LMO7: variants seen among roughly 807,000 people sequenced by gnomAD.
The protein encoded by LMO7 is LIM domain 7.
LMO7 carries 120 observed loss-of-function variants against 206.5 expected under a neutral mutation model. The observed-to-expected ratio is 0.58, with a 90% CI of 0.50 to 0.68. The LOEUF is 0.68. Among genes scored for constraint, LMO7 ranks in the 30% least tolerant of loss-of-function variants. The pLI is 0.00. For synonymous variants in LMO7, 706 were observed against 681.5 expected (o/e 1.04, Z -0.56); for missense variants, 1,959 against 1,957.9 (o/e 1.00, Z -0.01).
intron 10 of LMO7, 123 bp from the exon 11 acceptor site, chr13:75,809,031 A>G (rs2055941515): frequency 1.3e-6 from 1 of 752,516 alleles, no homozygotes; most frequent in Non-Finnish European, 2.4e-6. Flanking sequence ...ATGTGATGGA[A>G]GAAGTGACCT....
intron 3 of LMO7, among the ~76,000 whole-genome samples, chr13:75,737,768 A>T (rs1594652939): frequency 1.4e-4 from 1 of 7,168 alleles, no homozygotes; most frequent in African/African-American, 5.2e-4. Flanking sequence ...AAAAAAAAAT[A>T]AAATAAAATA....
chr13:75,635,672 CCCT>C (rs2035704095), upstream of LMO7: 1 of 151,996 alleles, frequency 6.6e-6, no homozygotes, highest in African/African-American at 2.4e-5. Flanking sequence ...GGGGCAGGGA[CCCT>C]CCTTCCACCG....
chr13:75,724,949 A>G (rs1473225968), intron 2 of LMO7, among the ~76,000 whole-genome samples: 2 of 152,076 alleles, frequency 1.3e-5, no homozygotes, highest in African/African-American at 2.4e-5. Context: ...TTGAAGGTTT[A>G]GGGTGGAAAA....
chr13:75,756,544 G>A (rs2047698207), intron 3 of LMO7, among the ~76,000 whole-genome samples: 1 of 152,188 alleles, frequency 6.6e-6, no homozygotes, highest in African/African-American at 2.4e-5. Flanking sequence ...CTGGCCTTGA[G>A]TCTTCATGAA....
At chr13:75,728,504 C>T in intron 3 of LMO7, among the ~76,000 whole-genome samples, 1 of 143,770 alleles carries the variant, frequency 7.0e-6, no homozygotes, top group African/African-American at 2.7e-5. Context: ...TGTTTGAGTT[C>T]ATTGTAGATT....
intron 1 of LMO7, among the ~76,000 whole-genome samples, chr13:75,667,604 A>G (rs35915164): frequency 0.19 from 28,685 of 151,468 alleles, 3,522 homozygotes; most frequent in Admixed American, 0.35. Flanking sequence ...TTTGGTTCTT[A>G]TTTTTTGTTC....
At chr13:75,774,963 G>T (rs1056643572) in intron 4 of LMO7, among the ~76,000 whole-genome samples, 23 of 152,022 alleles carry the variant, frequency 1.5e-4, no homozygotes, top group African/African-American at 5.1e-4. Context: ...AAAATAATGC[G>T]AGGTGATAAG....
exon 1 of LMO7, chr13:75,620,942 ATC>A: frequency 6.6e-6 from 1 of 152,154 alleles, no homozygotes; most frequent in Admixed American, 6.5e-5. Flanking sequence ...CATTATTAGG[ATC>A]TCTAACAATT....
intron 1 of LMO7, among the ~76,000 whole-genome samples, chr13:75,691,797 T>C (rs1035848378): frequency 1.3e-5 from 2 of 152,120 alleles, no homozygotes; most frequent in Admixed American, 6.6e-5. Context: ...CTCATTAGGA[T>C]ACTGACCCCC....
At chr13:75,755,836 T>G (rs2047647282) in intron 3 of LMO7, among the ~76,000 whole-genome samples, 1 of 152,182 alleles carries the variant, frequency 6.6e-6, no homozygotes. Context: ...ACTGGGGAGA[T>G]TCCATTCTTC....
At chr13:75,766,310 A>T (rs142251008) in intron 4 of LMO7, among the ~76,000 whole-genome samples, 9 of 136,970 alleles carry the variant, frequency 6.6e-5, no homozygotes, top group Admixed American at 2.4e-4. Context: ...TCTGACTTTC[A>T]TGTCCTATTC....
chr13:75,808,153 C>T lies in LMO7; in HGVS notation c.1870C>T (p.Arg624Trp), dbSNP rs375894473. 46 of 1,613,580 alleles carry T rather than the reference C, an allele frequency of 2.9e-5. No individual in the cohort carries two copies. The highest frequency in any genetic ancestry group is 2.5e-4 in the East Asian group (11 of 44,852). ...EADLKRWEAI[R>W]EASRLRHKKR... is the part of the protein sequence containing the mutation. ...TGACTTGAAGAGATGGGAGGCCATC[C>T]GGGAGGCCAGCAGACTTAGGCACAA... The change falls in exon 10 of 31, where the codon CGG becomes TGG. Residue 624 changes from arginine to tryptophan, a missense_variant. Coordinates refer to ENST00000377534, the MANE Select transcript of LMO7 (RefSeq NM_001306080.2).
intron 4 of LMO7, among the ~76,000 whole-genome samples, chr13:75,791,213 A>G (rs981535070): frequency 6.6e-6 from 1 of 152,124 alleles, no homozygotes; most frequent in Non-Finnish European, 1.5e-5. Context: ...TGAAGTTTGT[A>G]CAAAGCACTT....
chr13:75,758,691 T>A (rs942477826), intron 3 of LMO7, among the ~76,000 whole-genome samples: 10 of 152,236 alleles, frequency 6.6e-5, no homozygotes, highest in African/African-American at 1.4e-4. Flanking sequence ...TATTTATCTA[T>A]CCTTATCAAT....
chr13:75,681,704 G>GTGTATATATATA (rs1189476293), intron 1 of LMO7, among the ~76,000 whole-genome samples: 1 of 82,976 alleles, frequency 1.2e-5, no homozygotes, highest in African/African-American at 3.6e-5. Flanking sequence ...ATGTATGTAT[G>GTGTATATATATA]TGTATATATA....
chr13:75,716,431 T>C (rs2043540364), intron 2 of LMO7, among the ~76,000 whole-genome samples: 1 of 152,190 alleles, frequency 6.6e-6, no homozygotes, highest in South Asian at 2.1e-4. Flanking sequence ...TAGTGTTGTT[T>C]AGTTTGACTG....
At chr13:75,827,228 C>A (rs2138663881) in intron 15 of LMO7, among the ~76,000 whole-genome samples, 1 of 152,288 alleles carries the variant, frequency 6.6e-6, no homozygotes, top group South Asian at 2.1e-4. Flanking sequence ...TGAACTTGAT[C>A]TGGCAGGTAA....
intron 4 of LMO7, among the ~76,000 whole-genome samples, chr13:75,787,042 T>C (rs561634145): frequency 6.6e-6 from 1 of 152,354 alleles, no homozygotes; most frequent in South Asian, 2.1e-4. Context: ...TAATTGCCTT[T>C]GTTAATCACA....
At chr13:75,797,412 C>T (rs2054170069) in intron 6 of LMO7, among the ~76,000 whole-genome samples, 1 of 152,198 alleles carries the variant, frequency 6.6e-6, no homozygotes, top group African/African-American at 2.4e-5. Context: ...TCTGCCAAAT[C>T]TTCATTTATA....
Sources: gnomAD v4.1 joint callset for allele counts (sites outside exome capture counted in the v4.1 genomes callset) on GRCh38, gnomAD v4.1.1 for gene constraint, MANE v1.5 for transcripts, NCBI Gene and HGNC (gene_info 2026-07-23, HGNC 2026-07-21) for gene names.